Variants in LGSN observed in about 807,000 individuals in gnomAD.
LGSN encodes the protein lengsin.
Under a neutral mutation model 19.5 loss-of-function variants are expected in LGSN, and 21 were observed. The ratio of observed to expected loss-of-function variants is 1.07; its 90% confidence interval spans 0.76 to 1.55. The LOEUF is 1.55. Ranked by LOEUF, LGSN falls within the 40% of genes most tolerant of loss-of-function variation. The pLI, the probability that LGSN is intolerant of heterozygous loss-of-function variation, is 0.00. For synonymous variants in LGSN, 257 were observed against 215.6 expected (o/e 1.19, Z -1.68); for missense variants, 673 against 608.5 (o/e 1.11, Z -1.12).
At chr6:63,478,499 C>A in the LGSN span, among the ~76,000 whole-genome samples, 2 of 151,616 alleles carry the variant, frequency 1.3e-5, no homozygotes, top group South Asian at 2.1e-4. Context: ...AAAAAAAAAT[C>A]TAAATTTCCA....
the LGSN span, among the ~76,000 whole-genome samples, chr6:63,352,507 G>A: frequency 2.6e-5 from 4 of 151,926 alleles, no homozygotes; most frequent in East Asian, 1.9e-4. Flanking sequence ...CAAAAAATAC[G>A]AAAATTCACC....
chr6:63,540,585 A>G, the LGSN span, among the ~76,000 whole-genome samples: 1 of 151,826 alleles, frequency 6.6e-6, no homozygotes, highest in Non-Finnish European at 1.5e-5. Flanking sequence ...TGCTCCACTC[A>G]CTGCACTCCA....
At chr6:63,498,702 C>A in the LGSN span, among the ~76,000 whole-genome samples, 1 of 152,082 alleles carries the variant, frequency 6.6e-6, no homozygotes. Flanking sequence ...CTCCCTGTTA[C>A]ATTGTTCTGT....
chr6:63,331,416 A>C, the LGSN span, among the ~76,000 whole-genome samples: 2 of 152,194 alleles, frequency 1.3e-5, no homozygotes, highest in Non-Finnish European at 2.9e-5. Context: ...TAGTGCAGAA[A>C]AAAATGAGCC....
At chr6:63,375,090 C>T in the LGSN span, among the ~76,000 whole-genome samples, 455 of 152,112 alleles carry the variant, frequency 3.0e-3, 3 homozygotes, top group African/African-American at 0.01. Context: ...GTTGATTTTC[C>T]GGGGCAATAA....
At chr6:63,418,509 C>T in the LGSN span, among the ~76,000 whole-genome samples, 6 of 152,090 alleles carry the variant, frequency 3.9e-5, 1 homozygote, top group Non-Finnish European at 5.9e-5. Flanking sequence ...TGCAGTGAGC[C>T]GAGATTCCGC....
chr6:63,572,526 AC>A, the LGSN span: 56 of 390,644 alleles, frequency 1.4e-4, no homozygotes, highest in Non-Finnish European at 2.2e-4. Context: ...CGGCTCGGCT[AC>A]GCGCTCTGCT....
the LGSN span, among the ~76,000 whole-genome samples, chr6:63,427,106 C>G: frequency 1.3e-5 from 2 of 149,786 alleles, no homozygotes; most frequent in South Asian, 4.2e-4. Context: ...AGTACAATGG[C>G]GCAATCTCGG....
chr6:63,471,057 C>G, the LGSN span, among the ~76,000 whole-genome samples: 1 of 150,826 alleles, frequency 6.6e-6, no homozygotes, highest in African/African-American at 2.4e-5. Flanking sequence ...TCTCCTACCT[C>G]AGCCTCCCAA....
chr6:63,514,384 T>G, the LGSN span, among the ~76,000 whole-genome samples: 2 of 152,178 alleles, frequency 1.3e-5, no homozygotes, highest in African/African-American at 4.8e-5. Context: ...TGCACCACCA[T>G]GCCAAGCTAA....
At chr6:63,332,609 T>A in the LGSN span, among the ~76,000 whole-genome samples, 1 of 152,170 alleles carries the variant, frequency 6.6e-6, no homozygotes, top group African/African-American at 2.4e-5. Context: ...CTGGAAAGCC[T>A]GACACCCATG....
the LGSN span, among the ~76,000 whole-genome samples, chr6:63,366,232 T>C: frequency 6.6e-6 from 1 of 152,180 alleles, no homozygotes; most frequent in Non-Finnish European, 1.5e-5. Context: ...ATAAGCAACT[T>C]CAGCAAAGTC....
At chr6:63,560,381 G>A in the LGSN span, among the ~76,000 whole-genome samples, 1 of 143,406 alleles carries the variant, frequency 7.0e-6, no homozygotes, top group South Asian at 2.3e-4. Flanking sequence ...GAAGTGAAAA[G>A]TAAAAAACAA....
At chr6:63,422,602 A>G in the LGSN span, among the ~76,000 whole-genome samples, 1 of 152,218 alleles carries the variant, frequency 6.6e-6, no homozygotes, top group African/African-American at 2.4e-5. Flanking sequence ...ACATTAGTAG[A>G]CTGAGATAAG....
the LGSN span, among the ~76,000 whole-genome samples, chr6:63,432,153 GAAAGAAAGAAAGAAAGAAAA>G: frequency 5.1e-3 from 532 of 104,384 alleles, 21 homozygotes; most frequent in African/African-American, 0.018. Context: ...AAGAAAGAAA[GAAAGAAAGAAAGAAAGAAAA>G]GGAAAGAAAG....
intron 1 of LGSN, among the ~76,000 whole-genome samples, chr6:63,311,367 G>C (rs1392497733): frequency 6.6e-6 from 1 of 152,100 alleles, no homozygotes; most frequent in African/African-American, 2.4e-5. Flanking sequence ...GCTGTTAATC[G>C]CCAGCCGTCT....
At chr6:63,390,300 T>G in the LGSN span, among the ~76,000 whole-genome samples, 3,845 of 151,474 alleles carry the variant, frequency 0.025, 65 homozygotes, top group Middle Eastern at 0.055. Flanking sequence ...TGGCTAATTT[T>G]TGTATCGTTA....
At chr6:63,466,623 T>G in the LGSN span, among the ~76,000 whole-genome samples, 4 of 152,290 alleles carry the variant, frequency 2.6e-5, no homozygotes, top group East Asian at 7.7e-4. Flanking sequence ...TATATTTTGT[T>G]GGAAGAGCCA....
At chr6:63,485,028 T>C in the LGSN span, among the ~76,000 whole-genome samples, 1 of 152,184 alleles carries the variant, frequency 6.6e-6, no homozygotes, top group Non-Finnish European at 1.5e-5. Flanking sequence ...CTATTTGTTT[T>C]TTTTAGTTGT....
Sources: allele counts gnomAD v4.1 joint callset (sites outside exome capture counted in the v4.1 genomes callset), GRCh38; gene constraint gnomAD v4.1.1; transcripts MANE v1.5; gene names NCBI Gene and HGNC (gene_info 2026-07-23, HGNC 2026-07-21).